Variants in GTF2F2 observed in about 807,000 individuals in gnomAD.
GTF2F2 encodes ATP-dependent helicase GTF2F2.
Under a neutral mutation model 42.2 loss-of-function variants are expected in GTF2F2, and 23 were observed. That is an observed-to-expected ratio of 0.55 (90% confidence interval 0.39 to 0.77). The LOEUF (loss-of-function observed/expected upper bound fraction) is 0.77. Ranked by LOEUF, GTF2F2 falls within the 30% of genes least tolerant of loss-of-function variation. The pLI, the probability that GTF2F2 is intolerant of heterozygous loss-of-function variation, is 0.00. For synonymous variants in GTF2F2, 105 were observed against 100.8 expected (o/e 1.04, Z -0.25); for missense variants, 261 against 287.2 (o/e 0.91, Z 0.66).
chr13:45,179,589 A>G (rs1346125630), intron 4 of GTF2F2, among the ~76,000 whole-genome samples: 3 of 152,304 alleles, frequency 2.0e-5, no homozygotes, highest in Non-Finnish European at 4.4e-5. Context: ...TCTACCTTGT[A>G]TAGGCACTGG....
rs372901327 is a variant in GTF2F2 at position 45,228,283 on chromosome 13, C to CTTTTTTTTTTTTTTTTTTTT, written c.386+20794_386+20795insTTTTTTTTTTTTTTTTTTTT. On this transcript the variant is annotated intron_variant, in intron 5 of 7. Transcript: ENST00000340473. ...TTTCCTTATTGCTGCCAGAGTTAAT[C>CTTTTTTTTTTTTTTTTTTTT]TTTTTTTTTTTTTTTTGGAGACGGA... Among the ~76,000 whole-genome samples, 22 of 92,718 alleles carry CTTTTTTTTTTTTTTTTTTTT rather than the reference C, an allele frequency of 2.4e-4. 1 individual carries two copies. The highest frequency in any genetic ancestry group is 3.4e-4 in the Non-Finnish European group (16 of 47,404). The allele number at this position is 92,718 out of a possible 152,430, so 60.8% of individuals were successfully genotyped here.
chr13:45,252,641 A>G (rs1875926063), intron 5 of GTF2F2, among the ~76,000 whole-genome samples: 1 of 152,136 alleles, frequency 6.6e-6, no homozygotes, highest in African/African-American at 2.4e-5. Flanking sequence ...GCGGGTGAAA[A>G]GTACATTGTG....
chr13:45,143,096 TG>T (rs1870011455), intron 2 of GTF2F2, among the ~76,000 whole-genome samples: 2 of 123,522 alleles, frequency 1.6e-5, no homozygotes, highest in Non-Finnish European at 3.1e-5. Flanking sequence ...ATCAGAAAGC[TG>T]GAAAAAAAAA....
intron 4 of GTF2F2, among the ~76,000 whole-genome samples, chr13:45,174,375 G>C (rs1354599615): frequency 6.6e-6 from 1 of 152,098 alleles, no homozygotes; most frequent in Non-Finnish European, 1.5e-5. Context: ...GTATTAACAT[G>C]AAACAGCTGA....
At chr13:45,240,913 G>A (rs1278699963) in intron 5 of GTF2F2, among the ~76,000 whole-genome samples, 1 of 151,582 alleles carries the variant, frequency 6.6e-6, no homozygotes, top group African/African-American at 2.4e-5. Flanking sequence ...GCCCAGGTGG[G>A]CGGATCACTT....
chr13:45,158,873 G>A (rs1369273893), intron 4 of GTF2F2, among the ~76,000 whole-genome samples: 1 of 152,158 alleles, frequency 6.6e-6, no homozygotes, highest in Non-Finnish European at 1.5e-5. Context: ...TACTCTAATG[G>A]TACTTTTTAG....
intron 5 of GTF2F2, among the ~76,000 whole-genome samples, chr13:45,216,229 AAAG>A (rs1448120848): frequency 6.6e-6 from 1 of 152,188 alleles, no homozygotes; most frequent in African/African-American, 2.4e-5. Flanking sequence ...AGAGGAAAAA[AAAG>A]AAGGCACTGG....
At chr13:45,160,949 A>G (rs1163815262) in intron 4 of GTF2F2, among the ~76,000 whole-genome samples, 1 of 152,198 alleles carries the variant, frequency 6.6e-6, no homozygotes, top group African/African-American at 2.4e-5. Context: ...CTTTTCTTTG[A>G]GGCAATCATC....
rs183371733 is a variant in GTF2F2 at position 45,171,507 on chromosome 13, T to G, written c.304+19676T>G. ...TAAGAAGGATCCCTATTGAAACACT[T>G]TAGAGTTTTCTTTCTATCTGAAGTT... On this transcript the variant is annotated intron_variant, in intron 4 of 7. Coordinates refer to ENST00000340473, the MANE Select transcript of GTF2F2 (RefSeq NM_004128.3). Among the ~76,000 whole-genome samples the G allele has an allele frequency of 3.1e-3, 472 of 152,320 alleles. 2 individuals are homozygous for G. Among genetic ancestry groups the G allele is most frequent in the Non-Finnish European group, 4.4e-3 (296 of 68,032 alleles).
chr13:45,234,417 A>G lies in GTF2F2; in HGVS notation c.387-18454A>G, dbSNP rs966554525. The stretch of plus-strand genomic sequence containing the variant: ...ATTTTCACAAGCATCTTGTTCACAA[A>G]TCTTTTTCCTGTATGCTAAGTTGAA... On this transcript the variant is annotated intron_variant, in intron 5 of 7. Transcript: ENST00000340473. 4.6e-5 allele frequency among the ~76,000 whole-genome samples: 7 copies of G among 152,230 alleles called. No homozygotes were observed. The East Asian group carries it at 1.2e-3, about 25-fold the overall frequency.
At chr13:45,193,119 T>C (rs1377383812) in intron 4 of GTF2F2, 2 of 152,252 alleles carry the variant, frequency 1.3e-5, no homozygotes, top group Admixed American at 1.3e-4. Flanking sequence ...AGTGCTTTTA[T>C]TTACTTTTTA....
At chr13:45,152,148 C>T (rs1220642766) in intron 4 of GTF2F2, among the ~76,000 whole-genome samples, 2 of 152,114 alleles carry the variant, frequency 1.3e-5, no homozygotes, top group African/African-American at 4.8e-5. Context: ...CTCCCTACCT[C>T]AGGTGATCTG....
chr13:45,127,938 CTTTTT>C (rs1161627204), intron 1 of GTF2F2, among the ~76,000 whole-genome samples: 4,964 of 47,900 alleles, frequency 0.1, 39 homozygotes, highest in Non-Finnish European at 0.14. Context: ...GCACCCCGGC[CTTTTT>C]TTTTTTTTTT....
intron 4 of GTF2F2, among the ~76,000 whole-genome samples, chr13:45,154,519 A>G (rs563556645): frequency 1.3e-5 from 2 of 152,294 alleles, no homozygotes; most frequent in Non-Finnish European, 2.9e-5. Context: ...GAACTGTGAT[A>G]ATACAAATGC....
intron 4 of GTF2F2, among the ~76,000 whole-genome samples, chr13:45,174,915 G>A (rs1263011867): frequency 2.0e-5 from 3 of 152,154 alleles, no homozygotes; most frequent in Admixed American, 6.5e-5. Flanking sequence ...AGAGTTGTTA[G>A]CATATCTGTC....
intron 5 of GTF2F2, among the ~76,000 whole-genome samples, chr13:45,226,704 T>C (rs918301833): frequency 6.6e-6 from 1 of 152,206 alleles, no homozygotes; most frequent in African/African-American, 2.4e-5. Flanking sequence ...TTTATAAAAT[T>C]AGTTGGGAAG....
intron 7 of GTF2F2, among the ~76,000 whole-genome samples, chr13:45,275,634 A>G (rs1877001407): frequency 6.6e-6 from 1 of 151,828 alleles, no homozygotes; most frequent in Non-Finnish European, 1.5e-5. Flanking sequence ...ACATGAACTC[A>G]TCCTTTTTTA....
Position 45,149,636 on chromosome 13 carries a change from A to G in GTF2F2, c.141-134A>G, listed in dbSNP as rs1415057788. On this transcript the variant is annotated intron_variant, in intron 2 of 7. Transcript: ENST00000340473. The stretch of plus-strand genomic sequence containing the variant: ...TAAATAGGATAGTTGTGGGGAGTCA[A>G]GGGTAAATATTGGTTAATCTCTGTA... 8.3e-6 allele frequency: 7 copies of G among 841,606 alleles called. No homozygotes were observed. In the South Asian group the frequency reaches 1.2e-4, roughly 14 times the overall value. 52.1% of individuals were successfully genotyped at this position (841,606 alleles called of 1,614,324 possible).
At position 45,191,138 on chromosome 13, in the gene GTF2F2, G is replaced by A. The variant is rs541923584; in HGVS notation, c.305-16286G>A. Among the ~76,000 whole-genome samples the A allele has an allele frequency of 7.2e-4, 106 of 147,560 alleles. 2 individuals are homozygous for A. Among genetic ancestry groups the A allele is most frequent in the Admixed American group, 7.0e-3 (104 of 14,782 alleles). ...TGTAATCATAGCACTTTGGGAGGCC[G>A]AGGTGGGTGGATCACGAGGTCAGGA... On this transcript the variant is annotated intron_variant, in intron 4 of 7. Transcript: ENST00000340473.
Sources: gnomAD v4.1 joint callset for allele counts (sites outside exome capture counted in the v4.1 genomes callset) on GRCh38, gnomAD v4.1.1 for gene constraint, MANE v1.5 for transcripts, NCBI Gene and HGNC (gene_info 2026-07-23, HGNC 2026-07-21) for gene names.